The following ATP8A2 variants were observed in gnomAD, a reference collection of about 807,000 sequenced individuals.
ATP8A2 encodes phospholipid-transporting ATPase IB.
ATP8A2 carries 100 observed loss-of-function variants against 165.6 expected under a neutral mutation model. That is an observed-to-expected ratio of 0.60 (90% CI 0.51 to 0.71). The LOEUF is 0.71. ATP8A2 is among the 30% of genes least tolerant of loss of function. The probability of loss-of-function intolerance (pLI) is 0.00; values close to 1 mark genes in which losing one functional copy is unlikely to be tolerated. For synonymous variants in ATP8A2, 543 were observed against 548.8 expected, an observed-to-expected ratio of 0.99 and a Z score of 0.15; for missense variants, 1,227 against 1,479.5, an observed-to-expected ratio of 0.83 and a Z score of 2.80.
chr13:25,756,655 T>G (rs1219061078), intron 25 of ATP8A2, among the ~76,000 whole-genome samples: 1 of 152,286 alleles, frequency 6.6e-6, no homozygotes, highest in African/African-American at 2.4e-5. Context: ...GAGCTGGGTT[T>G]TCTTACCTGT....
At position 25,382,917 on chromosome 13, in the gene ATP8A2, A is replaced by G. The variant is rs554334989; in HGVS notation, c.76+10629A>G. ...ACTACAGGTGCCCGCCACCATGCCC[A>G]GCTAATTTTTTGTATTTTTAGTGGA... On this transcript the variant is annotated intron_variant, in intron 1 of 36. Transcript: ENST00000381655. Among the ~76,000 whole-genome samples, 378 of 150,968 alleles carry G rather than the reference A, an allele frequency of 2.5e-3. 6 individuals carry two copies. The East Asian group carries it at 0.029, about 12-fold the overall frequency.
intron 27 of ATP8A2, among the ~76,000 whole-genome samples, chr13:25,775,281 A>G (rs1349576901): frequency 6.6e-6 from 1 of 151,974 alleles, no homozygotes; most frequent in Non-Finnish European, 1.5e-5. Context: ...TCTTGCTAAT[A>G]CTCACAGCCC....
chr13:25,965,317 A>G (rs1394170011), intron 34 of ATP8A2, among the ~76,000 whole-genome samples: 2 of 152,182 alleles, frequency 1.3e-5, no homozygotes, highest in African/African-American at 4.8e-5. Context: ...AGCTGTTAAG[A>G]GTAAGAAAAG....
intron 1 of ATP8A2, among the ~76,000 whole-genome samples, chr13:25,434,021 T>C (rs2034685401): frequency 6.6e-6 from 1 of 152,174 alleles, no homozygotes; most frequent in South Asian, 2.1e-4. Context: ...GTACAATGTT[T>C]ACTATTTGGG....
Position 25,856,968 on chromosome 13 carries a change from C to T in ATP8A2, c.2957-3227C>T, listed in dbSNP as rs572917161. 3.9e-5 allele frequency among the ~76,000 whole-genome samples: 6 copies of T among 152,312 alleles called. No homozygotes were observed. The South Asian group carries it at 1.0e-3, about 26-fold the overall frequency. On this transcript the variant is annotated intron_variant, in intron 30 of 36. Coordinates refer to ENST00000381655, the MANE Select transcript of ATP8A2 (RefSeq NM_016529.6). ...TATTTATGGTTATCTATGGTCCATT[C>T]TCCCATAAAAGCTGGACTATTCCTT...
Position 25,953,193 on chromosome 13 carries a change from T to C in ATP8A2, c.3184-8382T>C, listed in dbSNP as rs933363574. Reference sequence around the variant, plus strand: ...TGTGTTTCTTTTCGTCTTTTAACTTTACAAGTGCTCCTCATTTTCTTTTAC... The same window carrying C: ...TGTGTTTCTTTTCGTCTTTTAACTTCACAAGTGCTCCTCATTTTCTTTTAC... On this transcript the variant is annotated intron_variant, in intron 33 of 36. Coordinates refer to ENST00000381655, the MANE Select transcript of ATP8A2 (RefSeq NM_016529.6). The surrounding 1 kb of genome is among the most constrained non-coding windows in gnomAD (Gnocchi z 6.7). Among the ~76,000 whole-genome samples the C allele has an allele frequency of 3.0e-4, 45 of 152,318 alleles. 1 individual carries two copies. The highest frequency in any genetic ancestry group is 8.9e-4 in the African/African-American group (37 of 41,574).
intron 33 of ATP8A2, among the ~76,000 whole-genome samples, chr13:25,886,213 CT>C (rs1413357975): frequency 6.6e-6 from 1 of 152,168 alleles, no homozygotes; most frequent in Non-Finnish European, 1.5e-5. Context: ...TGACATTAAG[CT>C]TTCCAAATTA....
At chr13:25,893,053 T>A (rs887330405) in intron 33 of ATP8A2, among the ~76,000 whole-genome samples, 2 of 152,012 alleles carry the variant, frequency 1.3e-5, no homozygotes, top group African/African-American at 2.4e-5. Context: ...TTTTCTTTTT[T>A]TTATTATTAT....
At chr13:25,431,315 A>T (rs1316867083) in intron 1 of ATP8A2, among the ~76,000 whole-genome samples, 2 of 151,912 alleles carry the variant, frequency 1.3e-5, no homozygotes. Flanking sequence ...TGCCTGGCTA[A>T]TTTTATATTT....
At chr13:25,732,625 G>A (rs970570044) in intron 25 of ATP8A2, among the ~76,000 whole-genome samples, 5 of 152,158 alleles carry the variant, frequency 3.3e-5, no homozygotes, top group African/African-American at 7.2e-5. Flanking sequence ...CTTCAGTTCC[G>A]TTGAGTCCTG....
intron 24 of ATP8A2, among the ~76,000 whole-genome samples, chr13:25,654,770 C>T (rs1332182024): frequency 6.6e-6 from 1 of 152,142 alleles, no homozygotes; most frequent in Non-Finnish European, 1.5e-5. Flanking sequence ...AGACAGTCCC[C>T]CCAAGTCTTC....
intron 33 of ATP8A2, among the ~76,000 whole-genome samples, chr13:25,892,785 G>A (rs1027161221): frequency 1.3e-5 from 2 of 150,016 alleles, no homozygotes; most frequent in Admixed American, 6.7e-5. Flanking sequence ...TTTGTGTGAA[G>A]CACAGACTTT....
At chr13:25,963,025 G>A (rs1955692265) in intron 34 of ATP8A2, among the ~76,000 whole-genome samples, 1 of 151,920 alleles carries the variant, frequency 6.6e-6, no homozygotes, top group Non-Finnish European at 1.5e-5. Flanking sequence ...GCAAATAACA[G>A]AATCAGAATC....
chr13:26,002,718 A>G (rs950250712), intron 35 of ATP8A2, among the ~76,000 whole-genome samples: 10 of 152,082 alleles, frequency 6.6e-5, no homozygotes, highest in Admixed American at 6.6e-4. Flanking sequence ...TTAAGATTCC[A>G]TATATAAATG....
At chr13:25,892,478 G>GTCTCTCTCTCTC (rs144283908) in intron 33 of ATP8A2, among the ~76,000 whole-genome samples, 1,841 of 136,184 alleles carry the variant, frequency 0.014, 38 homozygotes, top group African/African-American at 0.024. Flanking sequence ...CTGTCTCTCT[G>GTCTCTCTCTCTC]TCTCTCTCTC....
chr13:25,677,781 T>G (rs1481516686), intron 24 of ATP8A2, among the ~76,000 whole-genome samples: 1 of 152,084 alleles, frequency 6.6e-6, no homozygotes, highest in Admixed American at 6.5e-5. Context: ...TCCTTTGTCC[T>G]CAAAAAGAGA....
intron 27 of ATP8A2, among the ~76,000 whole-genome samples, chr13:25,784,652 A>T (rs1723022066): frequency 6.6e-6 from 1 of 152,186 alleles, no homozygotes; most frequent in Non-Finnish European, 1.5e-5. Context: ...TTTCCTAAGT[A>T]GCATATTATT....
intron 32 of ATP8A2, among the ~76,000 whole-genome samples, chr13:25,861,980 C>A (rs1390373909): frequency 6.6e-6 from 1 of 152,198 alleles, no homozygotes; most frequent in East Asian, 1.9e-4. Context: ...TTGTATACAG[C>A]CGCAGGTTGG....
intron 27 of ATP8A2, among the ~76,000 whole-genome samples, chr13:25,804,334 T>C (rs1246708312): frequency 6.6e-6 from 1 of 152,210 alleles, no homozygotes; most frequent in Non-Finnish European, 1.5e-5. Context: ...GGTGCCTGTT[T>C]AAAAAGCTAT....
Sources: allele counts gnomAD v4.1 joint callset (sites outside exome capture counted in the v4.1 genomes callset), GRCh38; gene constraint gnomAD v4.1.1; non-coding constraint Gnocchi (gnomAD v3.1); transcripts MANE v1.5; gene names NCBI Gene and HGNC (gene_info 2026-07-23, HGNC 2026-07-21).